The following TMEFF2 variants were observed in gnomAD, a reference collection of about 807,000 sequenced individuals.
The protein encoded by TMEFF2 is transmembrane protein with EGF like and two follistatin like domains 2, also known as tomoregulin-2.
A neutral mutation model predicts 53.8 loss-of-function variants in TMEFF2; 28 were observed. The observed-to-expected ratio is 0.52, with a 90% CI of 0.39 to 0.71. The LOEUF is 0.71. Among genes scored for constraint, TMEFF2 ranks in the 30% least tolerant of loss-of-function variants. The probability of loss-of-function intolerance (pLI) is 0.00; values close to 1 mark genes in which losing one functional copy is unlikely to be tolerated. For missense variants in TMEFF2, 353 were observed against 455.2 expected (o/e 0.78, Z 2.04); for synonymous variants, 162 against 166.3 (o/e 0.97, Z 0.20).
chr2:192,071,523 C>T (rs1350805873), intron 4 of TMEFF2, among the ~76,000 whole-genome samples: 2 of 151,854 alleles, frequency 1.3e-5, no homozygotes, highest in Non-Finnish European at 2.9e-5. Context: ...AAGTACCCAG[C>T]TACCTGATTG....
At chr2:192,019,483 A>C (rs2105858948) in intron 5 of TMEFF2, among the ~76,000 whole-genome samples, 1 of 152,062 alleles carries the variant, frequency 6.6e-6, no homozygotes, top group African/African-American at 2.4e-5. Context: ...TCTGAGCTTA[A>C]GGAAGGAAAA....
intron 4 of TMEFF2, among the ~76,000 whole-genome samples, chr2:192,137,046 G>C (rs542308451): frequency 6.6e-6 from 1 of 152,312 alleles, no homozygotes; most frequent in South Asian, 2.1e-4. Context: ...CCATTCAACA[G>C]ATACCGTTAA....
intron 4 of TMEFF2, among the ~76,000 whole-genome samples, chr2:192,091,383 T>C (rs1688786996): frequency 6.6e-6 from 1 of 152,064 alleles, no homozygotes; most frequent in Non-Finnish European, 1.5e-5. Flanking sequence ...CCTCCTCCCC[T>C]GCCCCTAACT....
intron 5 of TMEFF2, among the ~76,000 whole-genome samples, chr2:192,027,716 T>C (rs1406739573): frequency 6.6e-6 from 1 of 152,186 alleles, no homozygotes. Context: ...CTGAACTTGG[T>C]TTAATGTTCT....
At chr2:192,109,745 T>A (rs1329118242) in intron 4 of TMEFF2, among the ~76,000 whole-genome samples, 2 of 152,140 alleles carry the variant, frequency 1.3e-5, no homozygotes, top group African/African-American at 2.4e-5. Flanking sequence ...GATTTTGATA[T>A]GTGCGAAATG....
At chr2:191,953,538 C>T in intron 9 of TMEFF2, 141 bp downstream of exon 9, 2 of 845,070 alleles carry the variant, frequency 2.4e-6, no homozygotes, top group Non-Finnish European at 3.5e-6. Context: ...TATTCAAATA[C>T]TCTTATGCTA....
chr2:192,040,936 T>C (rs1687461939), intron 5 of TMEFF2, among the ~76,000 whole-genome samples: 1 of 152,122 alleles, frequency 6.6e-6, no homozygotes, highest in South Asian at 2.1e-4. Context: ...ACAAATGAAT[T>C]TGGACCCCTT....
chr2:192,146,711 TAAGAA>T (rs147652870), intron 4 of TMEFF2, among the ~76,000 whole-genome samples: 41,807 of 151,698 alleles, frequency 0.28, 6,628 homozygotes, highest in Admixed American at 0.35. Context: ...CTTTTAAATC[TAAGAA>T]AAGAAAAAAT....
intron 5 of TMEFF2, 87 bp from the exon 6 acceptor site, chr2:191,999,295 T>C (rs1170327466): frequency 8.1e-7 from 1 of 1,238,410 alleles, no homozygotes; most frequent in African/African-American, 1.5e-5. Flanking sequence ...AATTGCTAAG[T>C]TGACAAAATG....
At position 192,190,336 on chromosome 2, in the gene TMEFF2, A is replaced by T. The variant is rs112723464; in HGVS notation, c.282+1544T>A. ...TACCCATGGTTATGAAAATAAGACAAATTTATGGAAATCACAAAGGGAAAG... is the reference window on the plus strand; with the variant it reads ...TACCCATGGTTATGAAAATAAGACATATTTATGGAAATCACAAAGGGAAAG... On this transcript the variant is annotated intron_variant, in intron 2 of 9. Transcript: ENST00000272771. Among the ~76,000 whole-genome samples, 596 of 152,234 alleles carry T rather than the reference A, an allele frequency of 3.9e-3. 7 individuals carry two copies. The highest frequency in any genetic ancestry group is 0.014 in the African/African-American group (567 of 41,536).
intron 4 of TMEFF2, among the ~76,000 whole-genome samples, chr2:192,109,886 C>CCT (rs1297214330): frequency 6.6e-6 from 1 of 151,946 alleles, no homozygotes. Context: ...CAAGTCTGAA[C>CCT]CTCAGAGAAT....
chr2:191,999,216 A>T lies in TMEFF2; in HGVS notation c.537-8T>A. The T allele has an allele frequency of 6.4e-7, 1 of 1,573,612 alleles. No homozygotes were observed. The highest frequency in any genetic ancestry group is 8.7e-7 in the Non-Finnish European group (1 of 1,154,142). ...TCAATATTACACACACACCTAAAAA[A>T]AGAGAGAAATAAAAACATGTAACAT... is the stretch of plus-strand genomic sequence containing the variant. On this transcript the variant is annotated splice_polypyrimidine_tract_variant and splice_region_variant and intron_variant, in intron 5 of 9. Coordinates refer to ENST00000272771, the MANE Select transcript of TMEFF2 (RefSeq NM_016192.4).
At chr2:191,972,601 T>C (rs927327912) in intron 7 of TMEFF2, among the ~76,000 whole-genome samples, 1 of 151,948 alleles carries the variant, frequency 6.6e-6, no homozygotes, top group African/African-American at 2.4e-5. Context: ...AGAAAGACAA[T>C]GTCCCAGTCT....
chr2:192,036,107 A>C (rs1454739565), intron 5 of TMEFF2: 1 of 152,190 alleles, frequency 6.6e-6, no homozygotes, highest in African/African-American at 2.4e-5. Context: ...TTATTTATTT[A>C]TTCATCATTC....
intron 7 of TMEFF2, 94 bp from the exon 8 acceptor site, chr2:191,956,472 A>T (rs1040728685): frequency 4.3e-6 from 6 of 1,386,774 alleles, no homozygotes; most frequent in Admixed American, 4.9e-5. Context: ...GTAGGCAAAG[A>T]TATTTAAAAG....
Position 192,191,915 on chromosome 2 carries a change from T to C in TMEFF2, c.247A>G (p.Ile83Val), listed in dbSNP as rs760216006. 6.2e-7 allele frequency: 1 copy of C among 1,613,584 alleles called. No individual in the cohort carries two copies. Among genetic ancestry groups the C allele is most frequent in the Non-Finnish European group, 8.5e-7 (1 of 1,179,604 alleles). ...TCKFDGECLR[I>V]GDTVTCVCQF... ...CAGACGCAAGTCACAGTGTCTCCAA[T>C]TCTTAAACATTCCCCATCAAATTTA... is the stretch of plus-strand genomic sequence containing the variant. Residue 83 changes from isoleucine (I) to valine (V), a missense_variant, in exon 2 of 10, where the codon ATT (isoleucine) becomes GTT (valine). Ile to Val is a conservative substitution (Grantham distance 29). Around this residue, in one of 3 missense-constraint regions of TMEFF2, gnomAD observed 294 missense variants for 397.3 expected, o/e 0.74. Transcript: ENST00000272771.
chr2:192,108,896 AC>A (rs1689212714), intron 4 of TMEFF2, among the ~76,000 whole-genome samples: 3 of 152,066 alleles, frequency 2.0e-5, no homozygotes, highest in Admixed American at 6.6e-5. Context: ...GATTTATGTT[AC>A]AACATTAATG....
At chr2:192,085,930 C>T (rs1188071145) in intron 4 of TMEFF2, among the ~76,000 whole-genome samples, 2 of 152,070 alleles carry the variant, frequency 1.3e-5, no homozygotes, top group South Asian at 2.1e-4. Context: ...TTCCCAAAAG[C>T]GAAGAAGAGC....
chr2:192,098,549 T>C (rs1688965758), intron 4 of TMEFF2, among the ~76,000 whole-genome samples: 1 of 152,204 alleles, frequency 6.6e-6, no homozygotes, highest in South Asian at 2.1e-4. Flanking sequence ...AGAACCAAGG[T>C]ACTACCATGT....
Sources: gnomAD v4.1 joint callset for allele counts (sites outside exome capture counted in the v4.1 genomes callset) on GRCh38, gnomAD v4.1.1 for gene constraint, gnomAD v4.1.1 regional missense constraint, MANE v1.5 for transcripts, NCBI Gene and HGNC (gene_info 2026-07-23, HGNC 2026-07-21) for gene names.